SDK1: variants seen among roughly 807,000 people sequenced by gnomAD.
The protein encoded by SDK1 is sidekick cell adhesion molecule 1, also known as protein sidekick-1.
In SDK1, 157 loss-of-function variants were observed where a neutral mutation model predicts 245.5. That is an observed-to-expected ratio of 0.64 (90% CI 0.56 to 0.73). The LOEUF is 0.73. SDK1 is among the 30% of genes least tolerant of loss of function. SDK1 has a pLI of 0.00. For missense variants in SDK1, 3,583 were observed against 3,002.3 expected, an observed-to-expected ratio of 1.19 and a Z score of -4.52; for synonymous variants, 1,647 against 1,278.5, an observed-to-expected ratio of 1.29 and a Z score of -6.15.
intron 1 of SDK1, among the ~76,000 whole-genome samples, chr7:3,311,752 T>C (rs1779555611): frequency 6.6e-6 from 1 of 152,268 alleles, no homozygotes; most frequent in Non-Finnish European, 1.5e-5. Context: ...ACACAGAAAC[T>C]GTGGACAAAA....
intron 4 of SDK1, among the ~76,000 whole-genome samples, chr7:3,646,098 C>T (rs982232288): frequency 1.1e-4 from 16 of 152,238 alleles, no homozygotes; most frequent in Admixed American, 1.0e-3. Flanking sequence ...ACCTTGTGAT[C>T]CACCCACCTC....
chr7:3,627,955 G>A (rs112727337), intron 2 of SDK1, among the ~76,000 whole-genome samples: 2,187 of 152,206 alleles, frequency 0.014, 32 homozygotes, highest in Non-Finnish European at 0.022. Flanking sequence ...TACTGCCCAA[G>A]TGTCTCTTTA....
At chr7:3,943,245 G>A (rs1011964369) in intron 5 of SDK1, among the ~76,000 whole-genome samples, 1 of 149,052 alleles carries the variant, frequency 6.7e-6, no homozygotes, top group Non-Finnish European at 1.5e-5. Context: ...TAACAAAAGT[G>A]GGGGAGCAAC....
chr7:4,213,343 C>T (rs548089882), intron 38 of SDK1, among the ~76,000 whole-genome samples: 154 of 150,896 alleles, frequency 1.0e-3, no homozygotes, highest in African/African-American at 3.7e-3. Flanking sequence ...TCCTGGGAGG[C>T]GGAGGTGGCA....
At chr7:4,165,874 A>G (rs1475158090) in intron 32 of SDK1, among the ~76,000 whole-genome samples, 2 of 151,348 alleles carry the variant, frequency 1.3e-5, no homozygotes, top group African/African-American at 4.9e-5. Flanking sequence ...GTAGCCTCCA[A>G]CTCCTGGGCT....
chr7:3,614,972 G>C (rs1361172278), intron 1 of SDK1, among the ~76,000 whole-genome samples: 2 of 151,298 alleles, frequency 1.3e-5, no homozygotes, highest in Admixed American at 6.6e-5. Context: ...CATGGTATAG[G>C]CATGTTTGTT....
At chr7:3,895,253 G>A (rs1183574607) in intron 5 of SDK1, among the ~76,000 whole-genome samples, 2 of 152,100 alleles carry the variant, frequency 1.3e-5, no homozygotes, top group African/African-American at 4.8e-5. Context: ...TGGAGCCTGA[G>A]GATGTTAAAC....
chr7:3,659,278 G>A (rs1421060987), intron 4 of SDK1, among the ~76,000 whole-genome samples: 1 of 152,062 alleles, frequency 6.6e-6, no homozygotes, highest in Non-Finnish European at 1.5e-5. Flanking sequence ...GTCGGTACTG[G>A]TATGATATCA....
Position 3,710,518 on chromosome 7 carries a change from A to G in SDK1, c.713+68413A>G, listed in dbSNP as rs145588410. On this transcript the variant is annotated intron_variant, in intron 4 of 44. Coordinates refer to ENST00000404826, the MANE Select transcript of SDK1 (RefSeq NM_152744.4). ...TATAGAAACAAGCTGCTTAGGGAAA[A>G]ATCTCCTGTTTTCATGCTTGACAGT... Among the ~76,000 whole-genome samples, 55 of 152,348 alleles carry G rather than the reference A, an allele frequency of 3.6e-4. 1 individual carries two copies. The highest frequency in any genetic ancestry group is 6.8e-3 in the Middle Eastern group (2 of 294).
chr7:3,724,032 C>T (rs1432764561), intron 4 of SDK1, among the ~76,000 whole-genome samples: 21 of 150,384 alleles, frequency 1.4e-4, no homozygotes, highest in Admixed American at 1.3e-3. Context: ...GGTGTGATCT[C>T]GGCTCACTGC....
At chr7:3,757,636 C>T (rs545585617) in intron 4 of SDK1, among the ~76,000 whole-genome samples, 2 of 152,310 alleles carry the variant, frequency 1.3e-5, no homozygotes, top group South Asian at 4.2e-4. Flanking sequence ...GGGGAGGGTG[C>T]AGTACTCCCA....
chr7:3,962,122 A>G (rs1247156646), intron 8 of SDK1, among the ~76,000 whole-genome samples: 2 of 152,166 alleles, frequency 1.3e-5, no homozygotes, highest in East Asian at 1.9e-4. Context: ...AACACATCCA[A>G]TCTTCAACCT....
At chr7:3,355,278 C>G (rs894696027) in intron 1 of SDK1, among the ~76,000 whole-genome samples, 2 of 152,182 alleles carry the variant, frequency 1.3e-5, no homozygotes, top group African/African-American at 4.8e-5. Flanking sequence ...ATGTAGCTAT[C>G]CACTGAAGAA....
intron 5 of SDK1, among the ~76,000 whole-genome samples, chr7:3,878,337 G>T (rs1583503717): frequency 2.6e-5 from 4 of 152,076 alleles, no homozygotes; most frequent in African/African-American, 9.7e-5. Flanking sequence ...TGGCTAACAC[G>T]GTGAAACCCC....
At chr7:3,470,033 T>C (rs551778565) in intron 1 of SDK1, among the ~76,000 whole-genome samples, 1 of 152,184 alleles carries the variant, frequency 6.6e-6, no homozygotes, top group African/African-American at 2.4e-5. Flanking sequence ...ACTGCTTTTC[T>C]TTCATTCATT....
intron 5 of SDK1, among the ~76,000 whole-genome samples, chr7:3,919,041 G>C (rs555188951): frequency 6.6e-6 from 1 of 152,210 alleles, no homozygotes; most frequent in African/African-American, 2.4e-5. Flanking sequence ...TATAATGACT[G>C]TTAACTAAAT....
intron 35 of SDK1, among the ~76,000 whole-genome samples, chr7:4,202,668 C>T (rs1783959410): frequency 6.6e-6 from 1 of 152,212 alleles, no homozygotes; most frequent in South Asian, 2.1e-4. Flanking sequence ...GCATCATTCT[C>T]CCTGCAGAGT....
intron 7 of SDK1, among the ~76,000 whole-genome samples, chr7:3,952,766 A>G (rs1005678408): frequency 1.3e-5 from 2 of 152,112 alleles, no homozygotes; most frequent in African/African-American, 2.4e-5. Context: ...GAGAAAGAAC[A>G]TAAAATTAAG....
intron 4 of SDK1, among the ~76,000 whole-genome samples, chr7:3,698,729 T>A (rs1007764372): frequency 9.2e-5 from 14 of 152,368 alleles, no homozygotes; most frequent in Admixed American, 9.1e-4. Context: ...ACCTTCTCGC[T>A]GTGTCCTCAC....
Sources: allele counts gnomAD v4.1 joint callset (sites outside exome capture counted in the v4.1 genomes callset), GRCh38; gene constraint gnomAD v4.1.1; transcripts MANE v1.5; gene names NCBI Gene and HGNC (gene_info 2026-07-23, HGNC 2026-07-21).